Variants in TNPO3 observed in about 807,000 individuals in gnomAD.
The protein encoded by TNPO3 is transportin-3.
In TNPO3, 65 loss-of-function variants were observed where a neutral mutation model predicts 122.8. The ratio of observed to expected loss-of-function variants is 0.53; its 90% CI spans 0.43 to 0.65. The LOEUF is 0.65. Among genes scored for constraint, TNPO3 ranks in the 30% least tolerant of loss-of-function variants. TNPO3 has a pLI of 0.00. For missense variants in TNPO3, 850 were observed against 1,136.7 expected, an observed-to-expected ratio of 0.75 and a Z score of 3.63; for synonymous variants, 372 against 411.2, an observed-to-expected ratio of 0.90 and a Z score of 1.15.
At position 128,992,116 on chromosome 7, in the gene TNPO3, A is replaced by G. The variant is rs750367736; in HGVS notation, c.1267-26T>C. On this transcript the variant is annotated intron_variant, in intron 9 of 22. Transcript: ENST00000265388. ...CTAGAGAAGAAGAGGTGGATTATGG[A>G]TCCATTAAAAGGAAAACAGAATGCC... The G allele has an allele frequency of 4.4e-6, 6 of 1,378,184 alleles. No homozygotes were observed. The Admixed American group carries it at 1.2e-4, about 29-fold the overall frequency. 85.4% of individuals were successfully genotyped at this position (1,378,184 alleles called of 1,614,324 possible).
At chr7:129,056,154 A>AACTCGTTATACGCAGTGG, upstream of TNPO3, 1 of 938,480 alleles carries the variant, frequency 1.1e-6, no homozygotes, top group Non-Finnish European at 1.8e-6. Flanking sequence ...TGCTCTCGCC[A>AACTCGTTATACGCAGTGG]CTGCGTATAA....
chr7:128,989,067 ACT>A (rs1201310026), intron 11 of TNPO3, among the ~76,000 whole-genome samples: 1 of 152,092 alleles, frequency 6.6e-6, no homozygotes, highest in Non-Finnish European at 1.5e-5. Context: ...ACAGAGCGAG[ACT>A]CTATCTCAAA....
At chr7:128,963,243 T>C (rs566026967) in intron 21 of TNPO3, among the ~76,000 whole-genome samples, 1 of 152,324 alleles carries the variant, frequency 6.6e-6, no homozygotes, top group Non-Finnish European at 1.5e-5. Context: ...TAATAGGGTA[T>C]GTGGCAAGAT....
chr7:129,027,593 A>AAAAAAAAACAC (rs1805394617), intron 1 of TNPO3, among the ~76,000 whole-genome samples: 1 of 59,294 alleles, frequency 1.7e-5, no homozygotes, highest in Admixed American at 1.8e-4. Context: ...AAAAAAAAAC[A>AAAAAAAAACAC]ACACAAAAAA....
In TNPO3 at chr7:128,992,103, A is replaced by C; in HGVS notation, c.1267-13T>G. 6.7e-7 allele frequency: 1 copy of C among 1,502,720 alleles called. No individual in the cohort carries two copies. The highest frequency in any genetic ancestry group is 1.2e-5 in the South Asian group (1 of 83,492). The allele number at this position is 1,502,720 out of a possible 1,614,324, so 93.1% of individuals were successfully genotyped here. On this transcript the variant is annotated splice_polypyrimidine_tract_variant and intron_variant, in intron 9 of 22. Coordinates refer to ENST00000265388, the MANE Select transcript of TNPO3 (RefSeq NM_012470.4). ...GAGTAGAATATAACTAGAGAAGAAG[A>C]GGTGGATTATGGATCCATTAAAAGG...
intron 20 of TNPO3, 137 bp downstream of exon 20, chr7:128,970,011 C>T (rs146732941): frequency 6.8e-6 from 6 of 879,494 alleles, no homozygotes; most frequent in African/African-American, 6.7e-5. Flanking sequence ...ATCTACCAAT[C>T]TAATTTGGCA....
chr7:129,015,208 A>G (rs1490814821), intron 3 of TNPO3, 73 bp from the exon 4 acceptor site: 1 of 1,503,194 alleles, frequency 6.7e-7, no homozygotes, highest in Non-Finnish European at 9.0e-7. Flanking sequence ...AACAGCCATC[A>G]GAGTAACTCA....
chr7:129,027,839 G>C (rs1279391443), intron 1 of TNPO3, among the ~76,000 whole-genome samples: 1 of 152,056 alleles, frequency 6.6e-6, no homozygotes, highest in Non-Finnish European at 1.5e-5. Context: ...CAGAAATATC[G>C]AAGAGAAGCC....
intron 12 of TNPO3, 72 bp from the exon 13 acceptor site, chr7:128,984,331 T>G: frequency 9.7e-7 from 1 of 1,031,706 alleles, no homozygotes; most frequent in Non-Finnish European, 1.5e-6. Context: ...CTACATCATG[T>G]GAGTGACCAG....
At chr7:129,013,032 T>C (rs1476119586) in intron 4 of TNPO3, among the ~76,000 whole-genome samples, 1 of 152,220 alleles carries the variant, frequency 6.6e-6, no homozygotes, top group African/African-American at 2.4e-5. Flanking sequence ...TATTAGCTCA[T>C]CCATAATGCG....
Position 129,018,123 on chromosome 7 carries a change from T to G in TNPO3, c.155A>C (p.Gln52Pro). Residue 52 changes from glutamine to proline, a missense_variant, in exon 2 of 23, where the codon CAG (glutamine) becomes CCG (proline). Gln to Pro is a moderately conservative substitution (Grantham distance 76). Transcript: ENST00000265388. ...GCATGACTCCACATCCTGCCGGATC[T>G]GTAACAACTGGTCTGAGATCTCCCA... ...HAWEISDQLL[Q>P]IRQDVESCYF... 1 of 1,614,198 alleles carries G rather than the reference T, an allele frequency of 6.2e-7. No individual in the cohort carries two copies. The highest frequency in any genetic ancestry group is 8.5e-7 in the Non-Finnish European group (1 of 1,180,026).
intron 14 of TNPO3, 131 bp from the exon 15 acceptor site, chr7:128,980,162 C>A: frequency 1.3e-6 from 1 of 780,946 alleles, no homozygotes; most frequent in Admixed American, 2.0e-5. Flanking sequence ...AAGTCATTTA[C>A]TTACATCACC....
Position 128,974,979 on chromosome 7 carries a change from AT to A in TNPO3, c.2179-18del, listed in dbSNP as rs1286557003. The A allele has an allele frequency of 6.2e-7, 1 of 1,603,536 alleles. No homozygotes were observed. Among genetic ancestry groups the A allele is most frequent in the Admixed American group, 1.7e-5 (1 of 59,960 alleles). ...GCACAGTGCCTAAAACAAAACAGTG[AT>A]TTTAAAAGAAATGCTTTTTCAGAAA... is the stretch of plus-strand genomic sequence containing the variant. On this transcript the variant is annotated intron_variant, in intron 17 of 22. Transcript: ENST00000265388.
chr7:129,002,984 G>C (rs1327720677), intron 5 of TNPO3, among the ~76,000 whole-genome samples: 5 of 142,078 alleles, frequency 3.5e-5, no homozygotes, highest in Non-Finnish European at 7.5e-5. Context: ...AGCTTGCAGT[G>C]AGCCAAGATG....
chr7:129,021,303 C>T (rs1161884067), intron 1 of TNPO3, among the ~76,000 whole-genome samples: 1 of 149,042 alleles, frequency 6.7e-6, no homozygotes, highest in Non-Finnish European at 1.5e-5. Flanking sequence ...TGCAGTGAGC[C>T]GAGATCGCAC....
chr7:129,044,292 T>G (rs1195548207), intron 1 of TNPO3, among the ~76,000 whole-genome samples: 1 of 152,198 alleles, frequency 6.6e-6, no homozygotes, highest in Non-Finnish European at 1.5e-5. Context: ...CATGTCTAGT[T>G]CCAAATATAT....
intron 18 of TNPO3, among the ~76,000 whole-genome samples, chr7:128,974,012 A>G (rs1170872099): frequency 6.6e-6 from 1 of 151,376 alleles, no homozygotes; most frequent in African/African-American, 2.4e-5. Context: ...CGTCTCTACT[A>G]AAAATACAAA....
At chr7:129,013,701 G>A (rs766109114) in intron 4 of TNPO3, among the ~76,000 whole-genome samples, 1 of 152,154 alleles carries the variant, frequency 6.6e-6, no homozygotes, top group Non-Finnish European at 1.5e-5. Context: ...CAATAGCCAA[G>A]ATATGGAATC....
intron 5 of TNPO3, among the ~76,000 whole-genome samples, chr7:129,004,550 C>T (rs557173515): frequency 3.9e-5 from 6 of 152,274 alleles, no homozygotes; most frequent in East Asian, 1.9e-4. Context: ...TTTGCATATA[C>T]GATGTTTAAC....
Sources: allele counts gnomAD v4.1 joint callset (sites outside exome capture counted in the v4.1 genomes callset), GRCh38; gene constraint gnomAD v4.1.1; transcripts MANE v1.5; gene names NCBI Gene and HGNC (gene_info 2026-07-23, HGNC 2026-07-21).